The following PAPPA variants were observed in gnomAD, a reference collection of about 807,000 sequenced individuals.
PAPPA encodes the protein pappalysin-1.
Under a neutral mutation model 164.0 loss-of-function variants are expected in PAPPA, and 60 were observed. The observed-to-expected ratio is 0.37, with a 90% CI of 0.30 to 0.45. The LOEUF (loss-of-function observed/expected upper bound fraction) is 0.45, where lower values mean the gene tolerates loss of function less well. Among genes scored for constraint, PAPPA ranks in the 20% least tolerant of loss-of-function variants. The pLI, the probability that PAPPA is intolerant of heterozygous loss-of-function variation, is 1.00. For synonymous variants in PAPPA, 875 were observed against 814.1 expected (o/e 1.07, Z -1.27); for missense variants, 1,782 against 2,087.3 (o/e 0.85, Z 2.85).
At chr9:116,194,771 T>C (rs924188744) in intron 2 of PAPPA, among the ~76,000 whole-genome samples, 1 of 152,188 alleles carries the variant, frequency 6.6e-6, no homozygotes, top group African/African-American at 2.4e-5. Context: ...TGTGTGCACA[T>C]GTGGACACCA....
chr9:116,210,007 C>T (rs1210126026), intron 3 of PAPPA, among the ~76,000 whole-genome samples: 1 of 152,122 alleles, frequency 6.6e-6, no homozygotes, highest in African/African-American at 2.4e-5. Flanking sequence ...CAATTTATTA[C>T]AACCATATTT....
intron 17 of PAPPA, among the ~76,000 whole-genome samples, chr9:116,358,315 C>T (rs978907023): frequency 6.6e-5 from 10 of 152,220 alleles, no homozygotes; most frequent in African/African-American, 2.4e-4. Flanking sequence ...CAACATGTCA[C>T]CCCTGTACCA....
Position 116,398,660 on chromosome 9 carries a change from A to G in PAPPA, c.*2044A>G. The G allele has an allele frequency of 1.7e-6, 1 of 575,190 alleles. No individual in the cohort carries two copies. The highest frequency in any genetic ancestry group is 1.5e-5 in the South Asian group (1 of 66,786). 35.6% of individuals were successfully genotyped at this position (575,190 alleles called of 1,614,324 possible). On this transcript the variant is annotated 3_prime_UTR_variant, in exon 22 of 22. Coordinates refer to ENST00000328252, the MANE Select transcript of PAPPA (RefSeq NM_002581.5). ...CACAGGTGCCCACAAATACGGATGC[A>G]GTGCTGAGATAGTTTATGAGACTTG...
At chr9:116,156,288 G>GTA (rs746026327) in intron 1 of PAPPA, among the ~76,000 whole-genome samples, 102 of 141,788 alleles carry the variant, frequency 7.2e-4, no homozygotes, top group South Asian at 2.0e-3. Flanking sequence ...GTGTGTGTGT[G>GTA]TATATATATA....
intron 10 of PAPPA, among the ~76,000 whole-genome samples, chr9:116,309,909 T>C (rs1256986790): frequency 6.6e-6 from 1 of 152,144 alleles, no homozygotes; most frequent in African/African-American, 2.4e-5. Context: ...TTATTTTGCA[T>C]AGATTTCAGA....
chr9:116,340,814 A>G (rs1846126548), intron 13 of PAPPA, among the ~76,000 whole-genome samples: 1 of 152,150 alleles, frequency 6.6e-6, no homozygotes. Context: ...AACTAAGAAA[A>G]CTAACTGGTT....
At position 116,154,149 on chromosome 9, in the gene PAPPA, G is replaced by C. The variant is rs991399868; in HGVS notation, c.-24G>C. On this transcript the variant is annotated 5_prime_UTR_variant, in exon 1 of 22. Coordinates refer to ENST00000328252, the MANE Select transcript of PAPPA (RefSeq NM_002581.5). The surrounding 1 kb of genome is among the most constrained non-coding windows in gnomAD (Gnocchi z 5.2). Reference sequence around the variant, plus strand: ...TCCGGGTGGCGGTGCAGGGGCGAAGGGGGGGCGGGGGGAACCGTCGGACAT... The same window carrying C: ...TCCGGGTGGCGGTGCAGGGGCGAAGCGGGGGCGGGGGGAACCGTCGGACAT... The C allele has an allele frequency of 1.3e-5, 18 of 1,429,680 alleles. No individual in the cohort carries two copies. The highest frequency in any genetic ancestry group is 1.5e-5 in the African/African-American group (1 of 67,854). 88.6% of individuals were successfully genotyped at this position (1,429,680 alleles called of 1,614,324 possible). A position where few individuals can be genotyped will look rare whatever the true frequency, so the allele number is the denominator to read the frequency against.
At chr9:116,203,403 G>A (rs963451050) in intron 2 of PAPPA, among the ~76,000 whole-genome samples, 12 of 152,110 alleles carry the variant, frequency 7.9e-5, no homozygotes, top group African/African-American at 2.7e-4. Flanking sequence ...ATACTTTTAA[G>A]TGATACGGAG....
At chr9:116,196,605 C>T (rs2118650859) in intron 2 of PAPPA, among the ~76,000 whole-genome samples, 1 of 152,334 alleles carries the variant, frequency 6.6e-6, no homozygotes, top group South Asian at 2.1e-4. Context: ...TGAGAGGGAA[C>T]CTCCACACCT....
At chr9:116,158,970 C>T (rs1843633698) in intron 1 of PAPPA, among the ~76,000 whole-genome samples, 1 of 152,224 alleles carries the variant, frequency 6.6e-6, no homozygotes. Flanking sequence ...TTCACATGCT[C>T]TTCCTTAACC....
rs1484926527 is a variant in PAPPA at position 116,289,353 on chromosome 9, A to G, written c.2954-13404A>G. Among the ~76,000 whole-genome samples the G allele has an allele frequency of 4.6e-5, 6 of 130,526 alleles. No homozygotes were observed. The East Asian group carries it at 6.6e-4, about 14-fold the overall frequency. 85.6% of individuals were successfully genotyped at this position (130,526 alleles called of 152,430 possible). A position where few individuals can be genotyped will look rare whatever the true frequency, so the allele number is the denominator to read the frequency against. ...TATATATAGCATATATATGGCATAT[A>G]TATGGCATATATATGGCATATATAT... On this transcript the variant is annotated intron_variant, in intron 9 of 21. Coordinates refer to ENST00000328252, the MANE Select transcript of PAPPA (RefSeq NM_002581.5).
rs774380389 is a variant in PAPPA, at chr9:116,302,845, C to T, written c.3042C>T (p.Tyr1014=). ...QKTSIKDCGV[Y]TPQGFLDQWA... ...CCAGCATTAAGGACTGTGGTGTCTA[C>T]ACGCCCCAGGGATTCCTGGATCAGT... The change falls in exon 10 of 22, where the codon TAC becomes TAT. Residue 1014 remains tyrosine, a synonymous_variant. Transcript: ENST00000328252. The T allele has an allele frequency of 7.4e-6, 12 of 1,613,972 alleles. No homozygotes were observed. The Admixed American group carries it at 1.5e-4, about 20-fold the overall frequency.
intron 15 of PAPPA, among the ~76,000 whole-genome samples, chr9:116,350,335 G>A (rs1285955142): frequency 6.6e-6 from 1 of 152,148 alleles, no homozygotes; most frequent in Non-Finnish European, 1.5e-5. Flanking sequence ...TAGATGCAGG[G>A]TAGTGGCTAC....
Position 116,220,019 on chromosome 9 carries a change from G to A in PAPPA, c.2001G>A (p.Gln667=). Residue 667 remains glutamine, a synonymous_variant, in exon 5 of 22, where the codon CAG becomes CAA. Coordinates refer to ENST00000328252, the MANE Select transcript of PAPPA (RefSeq NM_002581.5). ...TGGACCTGGTCTACCAGGGCTGGCA[G>A]CCCTCCAGGAAACCAGCGCCTGTTG... ...CYLDLVYQGW[Q]PSRKPAPVAL... The A allele has an allele frequency of 1.2e-6, 2 of 1,614,080 alleles. No homozygotes were observed. Among genetic ancestry groups the A allele is most frequent in the Non-Finnish European group, 1.7e-6 (2 of 1,179,960 alleles).
At chr9:116,359,140 G>A (rs1046313792) in intron 17 of PAPPA, among the ~76,000 whole-genome samples, 1 of 152,154 alleles carries the variant, frequency 6.6e-6, no homozygotes, top group Non-Finnish European at 1.5e-5. Flanking sequence ...CTTACACCCA[G>A]GCTCTTAACC....
chr9:116,374,161 G>T (rs10983117), intron 19 of PAPPA, among the ~76,000 whole-genome samples: 174 of 146,268 alleles, frequency 1.2e-3, no homozygotes, highest in African/African-American at 4.3e-3. Flanking sequence ...GGTAGTGTTG[G>T]TGGTGGTGTT....
At chr9:116,262,164 C>T (rs1281472495) in intron 7 of PAPPA, among the ~76,000 whole-genome samples, 2 of 150,398 alleles carry the variant, frequency 1.3e-5, no homozygotes, top group Non-Finnish European at 2.9e-5. Flanking sequence ...ACAGTGAGAG[C>T]TGTGACTTCT....
chr9:116,187,050 G>A lies in PAPPA; in HGVS notation c.416-104G>A. 1.2e-6 allele frequency: 1 copy of A among 804,298 alleles called. No homozygotes were observed. 49.8% of individuals were successfully genotyped at this position (804,298 alleles called of 1,614,324 possible). On this transcript the variant is annotated intron_variant, in intron 1 of 21. Transcript: ENST00000328252. The surrounding 1 kb of genome is among the most constrained non-coding windows in gnomAD (Gnocchi z 4.2). ...TCCCACAGAGCAGTTGGAAAGCGATGAGTCTAGGATAACCTGATACAAATT... is the reference window on the plus strand; with the variant it reads ...TCCCACAGAGCAGTTGGAAAGCGATAAGTCTAGGATAACCTGATACAAATT...
chr9:116,223,480 A>T (rs1844469347), intron 5 of PAPPA, among the ~76,000 whole-genome samples: 1 of 152,198 alleles, frequency 6.6e-6, no homozygotes, highest in African/African-American at 2.4e-5. Flanking sequence ...CCTTAGCTTC[A>T]ATCAATATGT....
Sources: allele counts gnomAD v4.1 joint callset (sites outside exome capture counted in the v4.1 genomes callset), GRCh38; gene constraint gnomAD v4.1.1; non-coding constraint Gnocchi (gnomAD v3.1); transcripts MANE v1.5; gene names NCBI Gene and HGNC (gene_info 2026-07-23, HGNC 2026-07-21).